Variants in FOXN3 observed in about 807,000 individuals in gnomAD.
FOXN3 encodes the protein forkhead box protein N3.
A neutral mutation model predicts 38.4 loss-of-function variants in FOXN3; 7 were observed. The ratio of observed to expected loss-of-function variants is 0.18; its 90% confidence interval spans 0.10 to 0.34. The LOEUF (loss-of-function observed/expected upper bound fraction) is 0.34, where lower values mean the gene tolerates loss of function less well. Among genes scored for constraint, FOXN3 ranks in the 10% least tolerant of loss-of-function variants. The pLI is 1.00. For missense variants in FOXN3, 456 were observed against 613.4 expected (o/e 0.74, Z 2.71); for synonymous variants, 230 against 242.2 (o/e 0.95, Z 0.47).
rs527498692 is a variant in FOXN3 at position 89,471,542 on chromosome 14, C to G, written c.-14-59052G>C. ...GAGGTTGCAGTGAGCCGTGACTGCA[C>G]CACTGCACTCCAGCCTGGGAGACAG... On this transcript the variant is annotated intron_variant, in intron 1 of 6. Coordinates refer to the FOXN3 transcript ENST00000345097. Among the ~76,000 whole-genome samples, 6 of 152,180 alleles carry G rather than the reference C, an allele frequency of 3.9e-5. No homozygotes were observed. The East Asian group carries it at 1.2e-3, about 29-fold the overall frequency.
At chr14:89,280,007 C>A (rs751800755) in intron 4 of FOXN3, among the ~76,000 whole-genome samples, 70 of 152,286 alleles carry the variant, frequency 4.6e-4, no homozygotes, top group Non-Finnish European at 9.1e-4. Flanking sequence ...CTCAACCAAT[C>A]AATAGACACT....
At chr14:89,230,763 A>T (rs1221884115) in intron 4 of FOXN3, 1 of 400,712 alleles carries the variant, frequency 2.5e-6, no homozygotes, top group Admixed American at 2.8e-5. Context: ...ATAAATAGAT[A>T]AACAAACATT....
intron 2 of FOXN3, among the ~76,000 whole-genome samples, chr14:89,391,518 C>T (rs1004698082): frequency 6.6e-6 from 1 of 152,192 alleles, no homozygotes; most frequent in Non-Finnish European, 1.5e-5. Context: ...CACGCTCCCC[C>T]AAACAAAGGC....
intron 1 of FOXN3, among the ~76,000 whole-genome samples, chr14:89,461,130 A>G (rs111916637): frequency 0.036 from 5,459 of 151,982 alleles, 328 homozygotes; most frequent in African/African-American, 0.12. Context: ...TCAAGAAATC[A>G]AGACCATCAT....
intron 1 of FOXN3, among the ~76,000 whole-genome samples, chr14:89,611,156 C>T (rs1249533713): frequency 2.6e-5 from 4 of 152,170 alleles, no homozygotes; most frequent in African/African-American, 7.2e-5. Context: ...TCAAGCTGAA[C>T]CCCAACCTAA....
At chr14:89,387,590 T>C (rs1890828190) in intron 2 of FOXN3, among the ~76,000 whole-genome samples, 1 of 152,170 alleles carries the variant, frequency 6.6e-6, no homozygotes, top group South Asian at 2.1e-4. Flanking sequence ...GCTCCTTATT[T>C]CATTAGATGA....
intron 1 of FOXN3, among the ~76,000 whole-genome samples, chr14:89,414,524 G>C (rs1219282083): frequency 2.0e-5 from 3 of 151,372 alleles, no homozygotes; most frequent in Non-Finnish European, 2.9e-5. Flanking sequence ...AAGGCCTAAG[G>C]GGGAGCTGTG....
chr14:89,356,123 C>G (rs573783380), intron 2 of FOXN3, among the ~76,000 whole-genome samples: 42 of 152,016 alleles, frequency 2.8e-4, no homozygotes, highest in African/African-American at 9.4e-4. Flanking sequence ...ACAGGCCAGG[C>G]ATGGTGGCTC....
intron 4 of FOXN3, among the ~76,000 whole-genome samples, chr14:89,256,888 T>C (rs1289056964): frequency 2.0e-5 from 3 of 152,208 alleles, no homozygotes; most frequent in African/African-American, 7.2e-5. Context: ...AACAGGAGCC[T>C]GAGCAGGTGA....
chr14:89,524,371 C>CAAAAAAAAAAA (rs1301922423), intron 1 of FOXN3, among the ~76,000 whole-genome samples: 3 of 6,566 alleles, frequency 4.6e-4, no homozygotes, highest in African/African-American at 1.0e-3. Context: ...GACTCCATCT[C>CAAAAAAAAAAA]AAAAAAAAAA....
chr14:89,381,145 C>CAA (rs71130067), intron 2 of FOXN3, among the ~76,000 whole-genome samples: 1,481 of 63,626 alleles, frequency 0.023, 81 homozygotes, highest in African/African-American at 0.041. Context: ...CCCTCCGTCT[C>CAA]AAAAAAAAAA....
intron 4 of FOXN3, among the ~76,000 whole-genome samples, chr14:89,182,791 C>T (rs935600582): frequency 4.6e-5 from 7 of 152,164 alleles, no homozygotes; most frequent in East Asian, 1.9e-4. Context: ...ATAGACCAAT[C>T]GAACAGAAGA....
At chr14:89,499,662 T>C (rs927176001) in intron 1 of FOXN3, among the ~76,000 whole-genome samples, 4 of 152,142 alleles carry the variant, frequency 2.6e-5, no homozygotes, top group African/African-American at 9.7e-5. Context: ...GGTTATAAGG[T>C]AAATCGAGAG....
intron 2 of FOXN3, 27 bp from the exon 3 acceptor site, chr14:89,350,835 C>A: frequency 1.3e-6 from 2 of 1,495,016 alleles, no homozygotes; most frequent in African/African-American, 1.4e-5. Context: ...AATACAAAGG[C>A]ATTAATAGAG....
intron 1 of FOXN3, among the ~76,000 whole-genome samples, chr14:89,428,119 G>A (rs889779737): frequency 5.9e-5 from 9 of 152,068 alleles, no homozygotes; most frequent in African/African-American, 9.7e-5. Context: ...TTCTCTCTAC[G>A]AGAGTCTTTT....
At position 89,372,078 on chromosome 14, in the gene FOXN3, A is replaced by C. The variant is rs1028177662; in HGVS notation, c.544-21270T>G. Among the ~76,000 whole-genome samples, 13 of 152,210 alleles carry C rather than the reference A, an allele frequency of 8.5e-5. No individual in the cohort carries two copies. In the Middle Eastern group the frequency reaches 0.014, roughly 159 times the overall value. On this transcript the variant is annotated intron_variant, in intron 2 of 5. Coordinates refer to ENST00000557258, the MANE Select transcript of FOXN3 (RefSeq NM_005197.4). ...CCATCTGTCTTCTGCCAGGACCGTGACTGACAAAATAAAAAACGGAATTGA... is the reference window on the plus strand; with the variant it reads ...CCATCTGTCTTCTGCCAGGACCGTGCCTGACAAAATAAAAAACGGAATTGA...
At chr14:89,268,649 C>T (rs961736390) in intron 4 of FOXN3, among the ~76,000 whole-genome samples, 2 of 152,166 alleles carry the variant, frequency 1.3e-5, no homozygotes, top group East Asian at 3.9e-4. Flanking sequence ...GTGCAGGGCT[C>T]GTGAGGCCAG....
At chr14:89,322,871 G>A (rs1887934597) in intron 3 of FOXN3, among the ~76,000 whole-genome samples, 1 of 152,146 alleles carries the variant, frequency 6.6e-6, no homozygotes, top group South Asian at 2.1e-4. Context: ...CTGTTCCAAA[G>A]CCTAAGGATA....
chr14:89,447,040 T>C (rs56137150), intron 1 of FOXN3, among the ~76,000 whole-genome samples: 3 of 151,834 alleles, frequency 2.0e-5, no homozygotes, highest in African/African-American at 7.3e-5. Flanking sequence ...CTACTAAAAA[T>C]ACAAAATTAG....
Sources: allele counts gnomAD v4.1 joint callset (sites outside exome capture counted in the v4.1 genomes callset), GRCh38; gene constraint gnomAD v4.1.1; transcripts MANE v1.5; gene names NCBI Gene and HGNC (gene_info 2026-07-23, HGNC 2026-07-21).